The following ZFAND6 variants were observed in gnomAD, a reference collection of about 807,000 sequenced individuals.
ZFAND6 encodes the protein AN1-type zinc finger protein 6.
A neutral mutation model predicts 24.5 loss-of-function variants in ZFAND6; 12 were observed. That is an observed-to-expected ratio of 0.49 (90% CI 0.31 to 0.79). ZFAND6 has a LOEUF of 0.79. Ranked by LOEUF, ZFAND6 falls within the 30% of genes least tolerant of loss-of-function variation. The pLI is 0.04. For synonymous variants in ZFAND6, 92 were observed against 81.5 expected (o/e 1.13, Z -0.69); for missense variants, 207 against 245.9 (o/e 0.84, Z 1.06).
rs74709430 is a variant in ZFAND6, at chr15:80,104,747, A to G, written c.-18+6169A>G. Among the ~76,000 whole-genome samples, 130 of 152,296 alleles carry G rather than the reference A, an allele frequency of 8.5e-4. 2 individuals carry two copies. In the East Asian group the frequency reaches 0.024, roughly 28 times the overall value. The stretch of plus-strand genomic sequence containing the variant: ...CTTCTTTGCATTAGCTCCTTGAAAG[A>G]ATAGAGTTGAATGGCTTCCAATTAG... On this transcript the variant is annotated intron_variant, in intron 2 of 6. Transcript: ENST00000261749.
chr15:80,062,779 AG>A (rs2036401896), intron 1 of ZFAND6, among the ~76,000 whole-genome samples: 1 of 152,210 alleles, frequency 6.6e-6, no homozygotes, highest in Admixed American at 6.5e-5. Context: ...TACTAAGAAA[AG>A]CCACCTATAA....
chr15:80,124,854 G>A (rs1033451501), intron 5 of ZFAND6, among the ~76,000 whole-genome samples: 5 of 152,038 alleles, frequency 3.3e-5, no homozygotes. Flanking sequence ...GGAGGGTTAG[G>A]TTCCAGTATG....
chr15:80,088,591 C>A (rs1156784960), intron 1 of ZFAND6, among the ~76,000 whole-genome samples: 2 of 152,136 alleles, frequency 1.3e-5, no homozygotes, highest in African/African-American at 4.8e-5. Flanking sequence ...ACTTCGTCCT[C>A]ACTCTTTCCT....
chr15:80,110,469 C>G (rs557244995), intron 2 of ZFAND6, among the ~76,000 whole-genome samples: 3 of 152,000 alleles, frequency 2.0e-5, no homozygotes, highest in African/African-American at 4.8e-5. Context: ...TCTGTAGATT[C>G]AACACAATTC....
chr15:80,082,312 A>G (rs2037719522), intron 1 of ZFAND6, among the ~76,000 whole-genome samples: 1 of 152,218 alleles, frequency 6.6e-6, no homozygotes, highest in Admixed American at 6.5e-5. Flanking sequence ...TGAGATGGGT[A>G]TTATTGTTGT....
At chr15:80,059,388 G>T (rs181668869), upstream of ZFAND6, among the ~76,000 whole-genome samples, 33 of 152,348 alleles carry the variant, frequency 2.2e-4, no homozygotes, top group Admixed American at 1.9e-3. Flanking sequence ...GAGAAACCGC[G>T]GCGGGAAGCG....
At chr15:80,123,788 T>G (rs1435618272) in intron 5 of ZFAND6, among the ~76,000 whole-genome samples, 1 of 152,216 alleles carries the variant, frequency 6.6e-6, no homozygotes, top group Non-Finnish European at 1.5e-5. Context: ...GTGGGAGGAT[T>G]GCTTGAGCCC....
intron 5 of ZFAND6, among the ~76,000 whole-genome samples, chr15:80,124,837 T>C (rs1434256745): frequency 6.6e-6 from 1 of 152,190 alleles, no homozygotes; most frequent in East Asian, 1.9e-4. Context: ...ATCTCAGTTT[T>C]AAGAGAGGAG....
intron 5 of ZFAND6, among the ~76,000 whole-genome samples, chr15:80,128,932 T>C (rs1596316274): frequency 6.6e-6 from 1 of 152,338 alleles, no homozygotes; most frequent in East Asian, 1.9e-4. Context: ...TGTGTCTCAG[T>C]AGTTAGACCA....
chr15:80,065,067 T>A (rs2036547342), intron 1 of ZFAND6, among the ~76,000 whole-genome samples: 1 of 150,800 alleles, frequency 6.6e-6, no homozygotes, highest in African/African-American at 2.4e-5. Flanking sequence ...TTTAAGAAAA[T>A]TAGGTTAATA....
chr15:80,067,415 A>T (rs914189679), intron 1 of ZFAND6, among the ~76,000 whole-genome samples: 1 of 152,100 alleles, frequency 6.6e-6, no homozygotes, highest in Non-Finnish European at 1.5e-5. Context: ...GATGCCACAA[A>T]ATAGGTTAGG....
chr15:80,092,343 A>G lies in ZFAND6; in HGVS notation c.-180-6073A>G, dbSNP rs546636355. On this transcript the variant is annotated intron_variant, in intron 1 of 6. Transcript: ENST00000261749. ...CTCTACAGGAAAAAAAAAAAAAAAA[A>G]AAGGATTGCTTGAGGACGGGAGGCG... Among the ~76,000 whole-genome samples, 3 of 151,766 alleles carry G rather than the reference A, an allele frequency of 2.0e-5. No individual in the cohort carries two copies. In the South Asian group the frequency reaches 6.2e-4, roughly 32 times the overall value.
At chr15:80,108,782 G>A (rs556882437) in intron 2 of ZFAND6, among the ~76,000 whole-genome samples, 164 of 151,824 alleles carry the variant, frequency 1.1e-3, no homozygotes, top group Non-Finnish European at 1.8e-3. Context: ...CCAGGCTGGA[G>A]TGCAGTGGTG....
chr15:80,078,508 G>A (rs1424336600), intron 1 of ZFAND6, among the ~76,000 whole-genome samples: 1 of 152,224 alleles, frequency 6.6e-6, no homozygotes, highest in Non-Finnish European at 1.5e-5. Flanking sequence ...GAATAGTGCT[G>A]TGATGAACAT....
At chr15:80,110,811 A>T (rs994144381) in intron 2 of ZFAND6, among the ~76,000 whole-genome samples, 2 of 152,124 alleles carry the variant, frequency 1.3e-5, no homozygotes, top group African/African-American at 2.4e-5. Flanking sequence ...TTAACTCTTA[A>T]CCTCATTCCA....
At chr15:80,094,938 C>T (rs565448568) in intron 1 of ZFAND6, among the ~76,000 whole-genome samples, 1 of 152,110 alleles carries the variant, frequency 6.6e-6, no homozygotes, top group South Asian at 2.1e-4. Flanking sequence ...ACGCCCGGCT[C>T]GTTTTTGTAT....
At chr15:80,066,096 A>G (rs564801742) in intron 1 of ZFAND6, among the ~76,000 whole-genome samples, 1 of 152,286 alleles carries the variant, frequency 6.6e-6, no homozygotes, top group South Asian at 2.1e-4. Context: ...AACTATGTAC[A>G]AGACAAGGTC....
intron 1 of ZFAND6, among the ~76,000 whole-genome samples, chr15:80,069,590 A>T (rs951039953): frequency 6.6e-6 from 1 of 151,932 alleles, no homozygotes; most frequent in African/African-American, 2.4e-5. Flanking sequence ...AATATATCTT[A>T]CTTTTGCCAG....
chr15:80,119,071 T>C (rs900636426), intron 2 of ZFAND6, among the ~76,000 whole-genome samples: 1 of 139,470 alleles, frequency 7.2e-6, no homozygotes, highest in Non-Finnish European at 1.6e-5. Context: ...GAGATTGTTG[T>C]TTTTTAATAA....
Sources: gnomAD v4.1 joint callset for allele counts (sites outside exome capture counted in the v4.1 genomes callset) on GRCh38, gnomAD v4.1.1 for gene constraint, MANE v1.5 for transcripts, NCBI Gene and HGNC (gene_info 2026-07-23, HGNC 2026-07-21) for gene names.